SUPT3H: variants seen among roughly 807,000 people sequenced by gnomAD.
SUPT3H encodes SPT3 homolog, SAGA and STAGA complex component.
In SUPT3H, 44 loss-of-function variants were observed where a neutral mutation model predicts 44.3. That is an observed-to-expected ratio of 0.99 (90% CI 0.78 to 1.28). The LOEUF (loss-of-function observed/expected upper bound fraction) is 1.28, where lower values mean the gene tolerates loss of function less well. SUPT3H is among the 50% of genes most tolerant of loss of function. The probability of loss-of-function intolerance (pLI) is 0.00; values close to 1 mark genes in which losing one functional copy is unlikely to be tolerated. For missense variants in SUPT3H, 380 were observed against 387.1 expected, an observed-to-expected ratio of 0.98 and a Z score of 0.15; for synonymous variants, 124 against 125.6, an observed-to-expected ratio of 0.99 and a Z score of 0.09.
At chr6:45,257,168 C>T (rs1267063662) in intron 2 of SUPT3H, among the ~76,000 whole-genome samples, 1 of 152,162 alleles carries the variant, frequency 6.6e-6, no homozygotes, top group African/African-American at 2.4e-5. Flanking sequence ...TTTTGATTTG[C>T]ACTTCCCTAA....
At chr6:45,317,801 C>A (rs551761849) in intron 2 of SUPT3H, among the ~76,000 whole-genome samples, 2 of 151,880 alleles carry the variant, frequency 1.3e-5, no homozygotes, top group East Asian at 3.9e-4. Flanking sequence ...TGGATATGAC[C>A]CCAAAAGAAC....
chr6:45,134,530 G>T (rs1803976318), intron 2 of SUPT3H, among the ~76,000 whole-genome samples: 1 of 152,156 alleles, frequency 6.6e-6, no homozygotes, highest in African/African-American at 2.4e-5. Flanking sequence ...ATCTCAGTCA[G>T]ATATGGGTGA....
At chr6:45,123,192 C>G (rs978536715) in intron 2 of SUPT3H, among the ~76,000 whole-genome samples, 1 of 152,098 alleles carries the variant, frequency 6.6e-6, no homozygotes, top group Non-Finnish European at 1.5e-5. Context: ...CTGAGGAATG[C>G]AAATGTAAAC....
chr6:44,858,143 T>TAGTAC (rs1774046015), intron 10 of SUPT3H, among the ~76,000 whole-genome samples: 1 of 152,170 alleles, frequency 6.6e-6, no homozygotes, highest in African/African-American at 2.4e-5. Context: ...ACTACATTAC[T>TAGTAC]ACTACACTAC....
At chr6:45,137,263 C>T (rs1804443590) in intron 2 of SUPT3H, among the ~76,000 whole-genome samples, 1 of 151,940 alleles carries the variant, frequency 6.6e-6, no homozygotes, top group African/African-American at 2.4e-5. Context: ...AAGACAAGTC[C>T]TTCATTTTGA....
In SUPT3H at chr6:44,985,212, T is replaced by TAAATAAATAAAATA. The variant is rs1554195415; in HGVS notation, c.504+18440_504+18441insTATTTTATTTATTT. ...ATAAATAAATAAATAAATAAATAAA[T>TAAATAAATAAAATA]AAATAAAATAAAATAAAATAAAATA... On this transcript the variant is annotated intron_variant, in intron 6 of 10. Transcript: ENST00000371459. 8.5e-3 allele frequency among the ~76,000 whole-genome samples: 961 copies of TAAATAAATAAAATA among 113,568 alleles called. 14 individuals are homozygous for TAAATAAATAAAATA. The highest frequency in any genetic ancestry group is 0.022 in the African/African-American group (646 of 29,114). The allele number at this position is 113,568 out of a possible 152,430, so 74.5% of individuals were successfully genotyped here. A position where few individuals can be genotyped will look rare whatever the true frequency, so the allele number is the denominator to read the frequency against.
At chr6:45,301,416 T>C (rs1344182210) in intron 2 of SUPT3H, among the ~76,000 whole-genome samples, 3 of 152,200 alleles carry the variant, frequency 2.0e-5, no homozygotes, top group Admixed American at 2.0e-4. Context: ...TCATTAGCCC[T>C]TTAAGTTTTT....
intron 10 of SUPT3H, among the ~76,000 whole-genome samples, chr6:44,848,426 G>C (rs536286562): frequency 7.9e-5 from 12 of 152,262 alleles, no homozygotes; most frequent in African/African-American, 2.9e-4. Flanking sequence ...ACAGGCCCCA[G>C]GCATCAATTC....
chr6:45,338,921 T>C (rs2150123043), intron 2 of SUPT3H, among the ~76,000 whole-genome samples: 1 of 152,230 alleles, frequency 6.6e-6, no homozygotes, highest in Middle Eastern at 3.4e-3. Flanking sequence ...ATACAAATTC[T>C]AGTCCTGAGC....
At chr6:45,355,115 C>T (rs1235046562) in intron 2 of SUPT3H, among the ~76,000 whole-genome samples, 1 of 150,378 alleles carries the variant, frequency 6.6e-6, no homozygotes, top group Non-Finnish European at 1.5e-5. Context: ...TCAGGAGCCA[C>T]AGGAGCATGC....
At chr6:44,921,997 G>C (rs1015339352) in intron 10 of SUPT3H, among the ~76,000 whole-genome samples, 3 of 152,230 alleles carry the variant, frequency 2.0e-5, no homozygotes, top group Non-Finnish European at 4.4e-5. Context: ...CTGATCTAGA[G>C]AGCATACTCC....
chr6:45,160,887 T>A lies in SUPT3H; in HGVS notation c.102-54881A>T, dbSNP rs376170417. Among the ~76,000 whole-genome samples, 4 of 152,280 alleles carry A rather than the reference T, an allele frequency of 2.6e-5. No homozygotes were observed. In the East Asian group the frequency reaches 7.7e-4, roughly 29 times the overall value. On this transcript the variant is annotated intron_variant, in intron 2 of 10. Coordinates refer to ENST00000371459, the MANE Select transcript of SUPT3H (RefSeq NM_003599.4). ...GAAACAGGTAATTGATAAGTTTGAA[T>A]GTTCCCTCCAAATTTCATGTTGAGA... is the stretch of plus-strand genomic sequence containing the variant.
intron 1 of SUPT3H, chr6:45,371,796 GC>G: frequency 6.1e-6 from 6 of 978,674 alleles, no homozygotes; most frequent in South Asian, 4.7e-5. Context: ...AAACATATAT[GC>G]AAATTGGTGG....
intron 2 of SUPT3H, among the ~76,000 whole-genome samples, chr6:45,111,035 T>C (rs1479801434): frequency 8.8e-5 from 3 of 34,208 alleles, no homozygotes; most frequent in Non-Finnish European, 1.8e-4. Flanking sequence ...AAACGATACT[T>C]TTTTTTTTTT....
Position 44,937,885 on chromosome 6 carries a change from T to C in SUPT3H, c.802-5122A>G, listed in dbSNP as rs145038711. 2.1e-3 allele frequency among the ~76,000 whole-genome samples: 308 copies of C among 148,634 alleles called. 1 individual carries two copies. Among genetic ancestry groups the C allele is most frequent in the African/African-American group, 7.2e-3 (294 of 40,692 alleles). ...CAAATGTTTTCTCCCATTCTGCAGGTTCTTTGCTCACTATCTTTTTTTTTT... is the reference window on the plus strand; with the variant it reads ...CAAATGTTTTCTCCCATTCTGCAGGCTCTTTGCTCACTATCTTTTTTTTTT... On this transcript the variant is annotated intron_variant, in intron 9 of 10. Transcript: ENST00000371459.
chr6:44,861,489 C>T (rs1034057400), intron 10 of SUPT3H, among the ~76,000 whole-genome samples: 3 of 151,624 alleles, frequency 2.0e-5, no homozygotes, highest in Non-Finnish European at 4.4e-5. Flanking sequence ...TGGATTCAAG[C>T]GATTCTCCCG....
At chr6:45,131,625 C>G (rs1048311670) in intron 2 of SUPT3H, among the ~76,000 whole-genome samples, 6 of 152,040 alleles carry the variant, frequency 3.9e-5, no homozygotes, top group African/African-American at 1.5e-4. Context: ...TACCTTGCAT[C>G]ACATATAAAA....
At chr6:45,374,659 T>C (rs1289906994) in intron 1 of SUPT3H, among the ~76,000 whole-genome samples, 1 of 135,692 alleles carries the variant, frequency 7.4e-6, no homozygotes, top group Non-Finnish European at 1.8e-5. Context: ...AACCTCACCA[T>C]AAAATAAAAT....
chr6:45,126,578 C>T (rs1050800948), intron 2 of SUPT3H, among the ~76,000 whole-genome samples: 4 of 152,054 alleles, frequency 2.6e-5, no homozygotes, highest in Non-Finnish European at 5.9e-5. Flanking sequence ...AAGGAATTTC[C>T]TAATGAAGAT....
Sources: allele counts gnomAD v4.1 joint callset (sites outside exome capture counted in the v4.1 genomes callset), GRCh38; gene constraint gnomAD v4.1.1; transcripts MANE v1.5; gene names NCBI Gene and HGNC (gene_info 2026-07-23, HGNC 2026-07-21).